THSD7B: variants seen among roughly 807,000 people sequenced by gnomAD.
THSD7B encodes the protein thrombospondin type 1 domain containing 7B, also known as thrombospondin type-1 domain-containing protein 7B.
A neutral mutation model predicts 213.6 loss-of-function variants in THSD7B; 138 were observed. The observed-to-expected ratio is 0.65, with a 90% CI of 0.56 to 0.74. THSD7B has a LOEUF of 0.74. Ranked by LOEUF, THSD7B falls within the 30% of genes least tolerant of loss-of-function variation. The pLI is 0.00. For missense variants in THSD7B, 1,931 were observed against 1,991.5 expected (o/e 0.97, Z 0.58); for synonymous variants, 742 against 687.0 (o/e 1.08, Z -1.25).
At chr2:137,332,372 T>A (rs1684533433) in intron 12 of THSD7B, among the ~76,000 whole-genome samples, 1 of 152,160 alleles carries the variant, frequency 6.6e-6, no homozygotes, top group South Asian at 2.1e-4. Context: ...TTTGGCCAAT[T>A]TCTCCCATTC....
chr2:137,262,747 T>C (rs16838509), intron 10 of THSD7B, among the ~76,000 whole-genome samples: 3,181 of 152,310 alleles, frequency 0.021, 113 homozygotes, highest in African/African-American at 0.072. Flanking sequence ...AACTCTTCTT[T>C]AGTTGTGCTA....
At chr2:137,393,313 C>T (rs1237384465) in intron 12 of THSD7B, among the ~76,000 whole-genome samples, 1 of 151,828 alleles carries the variant, frequency 6.6e-6, no homozygotes, top group African/African-American at 2.4e-5. Flanking sequence ...CTCCCCCTTC[C>T]CACCACCCCA....
chr2:136,810,843 G>A (rs1682363665), intron 1 of THSD7B, among the ~76,000 whole-genome samples: 1 of 152,302 alleles, frequency 6.6e-6, no homozygotes, highest in Non-Finnish European at 1.5e-5. Context: ...TGACATTGTT[G>A]TAACCCTTGG....
In THSD7B at chr2:137,667,072, C is replaced by G. The variant is rs141001999; in HGVS notation, c.4652-702C>G. ...TAGTTTTCTTTCCATGCAAGGTTGTCTCTTAATTATAATTTTCTTTGTTCT... is the reference window on the plus strand; with the variant it reads ...TAGTTTTCTTTCCATGCAAGGTTGTGTCTTAATTATAATTTTCTTTGTTCT... On this transcript the variant is annotated intron_variant, in intron 26 of 27. Coordinates refer to ENST00000409968, the MANE Select transcript of THSD7B (RefSeq NM_001316349.2). Among the ~76,000 whole-genome samples the G allele has an allele frequency of 1.3e-3, 195 of 152,156 alleles. 3 individuals are homozygous for G. The South Asian group carries it at 0.025, about 20-fold the overall frequency.
chr2:137,228,002 T>C (rs2105051324), intron 7 of THSD7B, among the ~76,000 whole-genome samples: 1 of 152,288 alleles, frequency 6.6e-6, no homozygotes, highest in East Asian at 1.9e-4. Context: ...ACATCATTAT[T>C]TGATTCCTAC....
intron 7 of THSD7B, among the ~76,000 whole-genome samples, chr2:137,182,235 T>C (rs917025870): frequency 2.6e-5 from 4 of 152,206 alleles, no homozygotes; most frequent in Admixed American, 1.3e-4. Flanking sequence ...CTTTAGGAAC[T>C]TGGCAGGGAG....
At chr2:137,154,701 T>G (rs1485295317) in intron 5 of THSD7B, among the ~76,000 whole-genome samples, 16 of 152,148 alleles carry the variant, frequency 1.1e-4, no homozygotes, top group Admixed American at 1.0e-3. Flanking sequence ...AGAATGATAC[T>G]CATTTTTCTT....
intron 12 of THSD7B, among the ~76,000 whole-genome samples, chr2:137,296,399 C>T (rs1159227176): frequency 6.6e-6 from 1 of 152,076 alleles, no homozygotes; most frequent in African/African-American, 2.4e-5. Context: ...GAACTTACAA[C>T]AAAATAGAGG....
intron 12 of THSD7B, among the ~76,000 whole-genome samples, chr2:137,314,825 CA>C (rs1203523952): frequency 6.6e-6 from 1 of 152,216 alleles, no homozygotes; most frequent in Non-Finnish European, 1.5e-5. Flanking sequence ...GCTCGGGGGT[CA>C]GGGGTCAGGG....
chr2:137,575,434 A>G (rs1464538540), intron 17 of THSD7B, among the ~76,000 whole-genome samples: 1 of 152,066 alleles, frequency 6.6e-6, no homozygotes, highest in Non-Finnish European at 1.5e-5. Flanking sequence ...TTACTGAAAC[A>G]TGACTTATAT....
chr2:136,932,744 G>T (rs1684652172), intron 2 of THSD7B, among the ~76,000 whole-genome samples: 1 of 152,078 alleles, frequency 6.6e-6, no homozygotes, highest in African/African-American at 2.4e-5. Flanking sequence ...CTGTCTCAGG[G>T]GTGGCAGACA....
At chr2:137,267,199 T>A (rs1054562446) in intron 10 of THSD7B, among the ~76,000 whole-genome samples, 2 of 152,196 alleles carry the variant, frequency 1.3e-5, no homozygotes, top group African/African-American at 4.8e-5. Flanking sequence ...TAAAAACAAG[T>A]TTAATTATAC....
chr2:136,991,507 G>A (rs1221218532), intron 2 of THSD7B, among the ~76,000 whole-genome samples: 3 of 152,084 alleles, frequency 2.0e-5, no homozygotes, highest in African/African-American at 7.2e-5. Context: ...GTATGCAGTG[G>A]AGAGGGGGAC....
At chr2:137,491,927 G>C (rs1292579285) in intron 15 of THSD7B, among the ~76,000 whole-genome samples, 2 of 151,850 alleles carry the variant, frequency 1.3e-5, no homozygotes, top group Non-Finnish European at 2.9e-5. Flanking sequence ...TAAACCATCA[G>C]TGATGTGTTG....
At chr2:137,215,543 G>A (rs946832287) in intron 7 of THSD7B, among the ~76,000 whole-genome samples, 1 of 152,138 alleles carries the variant, frequency 6.6e-6, no homozygotes, top group African/African-American at 2.4e-5. Flanking sequence ...GAGGAAACCT[G>A]TTGATCAGGA....
intron 9 of THSD7B, among the ~76,000 whole-genome samples, chr2:137,233,722 A>G (rs912286994): frequency 6.6e-6 from 1 of 152,238 alleles, no homozygotes; most frequent in Admixed American, 6.5e-5. Flanking sequence ...ACGATCAAGA[A>G]CAACTGCAAA....
At chr2:137,467,330 G>C (rs906125722) in intron 15 of THSD7B, among the ~76,000 whole-genome samples, 1 of 152,166 alleles carries the variant, frequency 6.6e-6, no homozygotes. Flanking sequence ...TTATATACTG[G>C]TGTGGGAGGG....
At chr2:137,361,760 G>T (rs936770750) in intron 12 of THSD7B, among the ~76,000 whole-genome samples, 2 of 152,134 alleles carry the variant, frequency 1.3e-5, no homozygotes, top group East Asian at 3.8e-4. Context: ...CGTTTGATTG[G>T]TGTACCTGAA....
intron 12 of THSD7B, among the ~76,000 whole-genome samples, chr2:137,374,587 A>G (rs950684351): frequency 6.6e-6 from 1 of 152,216 alleles, no homozygotes; most frequent in Admixed American, 6.5e-5. Flanking sequence ...CCTAAATTGT[A>G]GAATGTTTTC....
Sources: gnomAD v4.1 joint callset for allele counts (sites outside exome capture counted in the v4.1 genomes callset) on GRCh38, gnomAD v4.1.1 for gene constraint, MANE v1.5 for transcripts, NCBI Gene and HGNC (gene_info 2026-07-23, HGNC 2026-07-21) for gene names.